ASAP2: variants seen among roughly 807,000 people sequenced by gnomAD.
ASAP2 encodes the protein ArfGAP with SH3 domain, ankyrin repeat and PH domain 2.
In ASAP2, 45 loss-of-function variants were observed where a neutral mutation model predicts 131.4. The ratio of observed to expected loss-of-function variants is 0.34; its 90% CI spans 0.27 to 0.44. ASAP2 has a LOEUF of 0.44. Among genes scored for constraint, ASAP2 ranks in the 20% least tolerant of loss-of-function variants. ASAP2 has a pLI of 1.00. For missense variants in ASAP2, 1,011 were observed against 1,297.0 expected (o/e 0.78, Z 3.39); for synonymous variants, 510 against 503.0 (o/e 1.01, Z -0.19).
intron 1 of ASAP2, among the ~76,000 whole-genome samples, chr2:9,221,646 T>G (rs1209593113): frequency 1.3e-5 from 2 of 152,224 alleles, no homozygotes; most frequent in East Asian, 3.8e-4. Flanking sequence ...TATATTGATC[T>G]TATGGCCTAC....
At chr2:9,375,117 A>G (rs1221632881) in intron 17 of ASAP2, among the ~76,000 whole-genome samples, 173 bp downstream of exon 17, 1 of 151,864 alleles carries the variant, frequency 6.6e-6, no homozygotes, top group Non-Finnish European at 1.5e-5. Flanking sequence ...AAAAAAAAAA[A>G]AAAAAAAAAG....
At chr2:9,235,751 A>G (rs1411400831) in intron 1 of ASAP2, among the ~76,000 whole-genome samples, 29 of 152,154 alleles carry the variant, frequency 1.9e-4, no homozygotes, top group Admixed American at 1.9e-3. Context: ...TGATGGGAAC[A>G]TGTAAGAAGT....
At chr2:9,350,978 C>A in intron 12 of ASAP2, 83 bp downstream of exon 12, 1 of 1,049,098 alleles carries the variant, frequency 9.5e-7, no homozygotes, top group Non-Finnish European at 1.4e-6. Context: ...TCAAACACTG[C>A]ATTCGGAAGA....
At chr2:9,364,264 T>C (rs1434058291) in intron 15 of ASAP2, among the ~76,000 whole-genome samples, 1 of 152,102 alleles carries the variant, frequency 6.6e-6, no homozygotes, top group Non-Finnish European at 1.5e-5. Flanking sequence ...CTCCAGCACT[T>C]TGGGAGGCTG....
chr2:9,328,644 C>T (rs1261123086), intron 7 of ASAP2, among the ~76,000 whole-genome samples: 2 of 152,174 alleles, frequency 1.3e-5, no homozygotes, highest in Non-Finnish European at 2.9e-5. Context: ...TCAGCTTTGC[C>T]ATCTGTGTCA....
intron 1 of ASAP2, among the ~76,000 whole-genome samples, chr2:9,240,932 G>A (rs1243570844): frequency 6.6e-6 from 1 of 152,238 alleles, no homozygotes; most frequent in Non-Finnish European, 1.5e-5. Context: ...TCATGGGCAG[G>A]TAGCATGGAC....
At position 9,389,225 on chromosome 2, in the gene ASAP2, G is replaced by A. The variant is rs1175698278; in HGVS notation, c.2383+679G>A. ...TGGCTACGGTGCTTCTTGAAGGCAG[G>A]TCCGGCGAGTGACCCACTCAGCTCT... On this transcript the variant is annotated intron_variant, in intron 22 of 27. Transcript: ENST00000281419. This position sits in a 1 kb window ranked among gnomAD's most constrained non-coding sequence, Gnocchi z 4.7. Among the ~76,000 whole-genome samples the A allele has an allele frequency of 1.3e-5, 2 of 152,232 alleles. No individual in the cohort carries two copies. The highest frequency in any genetic ancestry group is 2.4e-5 in the African/African-American group (1 of 41,452).
At position 9,390,966 on chromosome 2, in the gene ASAP2, G is replaced by C. The variant is rs894966728; in HGVS notation, c.2384-96G>C. On this transcript the variant is annotated intron_variant, in intron 22 of 27. Coordinates refer to ENST00000281419, the MANE Select transcript of ASAP2 (RefSeq NM_003887.3). The stretch of plus-strand genomic sequence containing the variant: ...GGTCATACTGACCGTTTCATAAGGG[G>C]GAGGATCAATAACGCAGTGTTCTGT... The C allele has an allele frequency of 9.5e-6, 15 of 1,581,578 alleles. No homozygotes were observed. The African/African-American group carries it at 1.3e-4, about 14-fold the overall frequency.
At chr2:9,360,187 G>A (rs1672989882) in intron 15 of ASAP2, among the ~76,000 whole-genome samples, 1 of 152,206 alleles carries the variant, frequency 6.6e-6, no homozygotes, top group Non-Finnish European at 1.5e-5. Context: ...AATGGAAAGT[G>A]TTAAGTGATT....
intron 1 of ASAP2, among the ~76,000 whole-genome samples, chr2:9,215,735 A>G (rs1287999030): frequency 2.0e-5 from 3 of 148,782 alleles, no homozygotes; most frequent in African/African-American, 7.5e-5. Context: ...ATTATATTTC[A>G]TAATTATTAT....
chr2:9,236,829 C>G (rs1216883830), intron 1 of ASAP2, among the ~76,000 whole-genome samples: 1 of 151,758 alleles, frequency 6.6e-6, no homozygotes, highest in African/African-American at 2.4e-5. Context: ...TTTCTCCTTT[C>G]CTGTGTTGGA....
intron 2 of ASAP2, among the ~76,000 whole-genome samples, chr2:9,288,531 A>G (rs948729723): frequency 6.6e-6 from 1 of 152,072 alleles, no homozygotes; most frequent in Non-Finnish European, 1.5e-5. Flanking sequence ...GTCATGGGGT[A>G]TGACGTGGCA....
chr2:9,321,032 A>C (rs1031422347), intron 5 of ASAP2, among the ~76,000 whole-genome samples: 5 of 152,172 alleles, frequency 3.3e-5, no homozygotes, highest in African/African-American at 4.8e-5. Flanking sequence ...TATGGGGGGA[A>C]TAATGGCTTC....
chr2:9,310,456 G>C (rs1669227259), intron 3 of ASAP2, among the ~76,000 whole-genome samples: 1 of 152,176 alleles, frequency 6.6e-6, no homozygotes, highest in South Asian at 2.1e-4. Context: ...AGACCTTTGA[G>C]GCTAGAGCTG....
intron 1 of ASAP2, among the ~76,000 whole-genome samples, chr2:9,214,777 TAAAAAAA>T (rs34474684): frequency 9.7e-6 from 1 of 103,076 alleles, no homozygotes; most frequent in Non-Finnish European, 2.1e-5. Context: ...CCTGGACGTC[TAAAAAAA>T]AAAAAAAAAA....
chr2:9,211,029 C>T (rs1572165777), intron 1 of ASAP2, among the ~76,000 whole-genome samples: 1 of 152,050 alleles, frequency 6.6e-6, no homozygotes, highest in East Asian at 1.9e-4. Context: ...GTGGCGCATG[C>T]CTGTAATCCC....
At chr2:9,380,583 A>G (rs1043432299) in intron 19 of ASAP2, among the ~76,000 whole-genome samples, 158 bp from the exon 20 acceptor site, 6 of 152,258 alleles carry the variant, frequency 3.9e-5, no homozygotes, top group Admixed American at 2.6e-4. Context: ...ATTACAAGAT[A>G]CATTCAGCCT....
rs377512134 is a variant in ASAP2, at chr2:9,403,359, G to A, written c.*32G>A. 6.2e-7 allele frequency: 1 copy of A among 1,604,896 alleles called. No individual in the cohort carries two copies. Among genetic ancestry groups the A allele is most frequent in the African/African-American group, 1.3e-5 (1 of 74,858 alleles). ...ACTGAACAAAAGCATTAACAGTTATGTTCCTGTTTCGTTATTGGTACCAAA... is the reference window on the plus strand; with the variant it reads ...ACTGAACAAAAGCATTAACAGTTATATTCCTGTTTCGTTATTGGTACCAAA... On this transcript the variant is annotated 3_prime_UTR_variant, in exon 28 of 28. Transcript: ENST00000281419.
intron 16 of ASAP2, among the ~76,000 whole-genome samples, chr2:9,371,922 C>G (rs1674002374): frequency 6.6e-6 from 1 of 152,074 alleles, no homozygotes; most frequent in African/African-American, 2.4e-5. Flanking sequence ...CGAGACCATC[C>G]TGGCTAACAC....
Sources: allele counts gnomAD v4.1 joint callset (sites outside exome capture counted in the v4.1 genomes callset), GRCh38; gene constraint gnomAD v4.1.1; non-coding constraint Gnocchi (gnomAD v3.1); transcripts MANE v1.5; gene names NCBI Gene and HGNC (gene_info 2026-07-23, HGNC 2026-07-21).